Variants in COPS7B observed in about 807,000 individuals in gnomAD.
The protein encoded by COPS7B is COP9 signalosome complex subunit 7b.
A neutral mutation model predicts 33.4 loss-of-function variants in COPS7B; 9 were observed. The ratio of observed to expected loss-of-function variants is 0.27; its 90% confidence interval spans 0.16 to 0.47. COPS7B has a LOEUF of 0.47. Ranked by LOEUF, COPS7B falls within the 20% of genes least tolerant of loss-of-function variation. The pLI is 0.99. For synonymous variants in COPS7B, 119 were observed against 126.3 expected, an observed-to-expected ratio of 0.94 and a Z score of 0.39; for missense variants, 242 against 318.2, an observed-to-expected ratio of 0.76 and a Z score of 1.82.
At chr2:231,801,307 C>T (rs950424998) in intron 6 of COPS7B, 29 of 1,516,114 alleles carry the variant, frequency 1.9e-5, no homozygotes, top group Non-Finnish European at 2.3e-5. Context: ...GGAAATAACC[C>T]ATATTAGTTC....
intron 6 of COPS7B, among the ~76,000 whole-genome samples, chr2:231,803,473 T>C (rs1441488435): frequency 6.6e-6 from 1 of 152,196 alleles, no homozygotes; most frequent in Non-Finnish European, 1.5e-5. Context: ...CCAAGTCTTA[T>C]TTCTTTTTAT....
In COPS7B at chr2:231,807,638, G is replaced by T; in HGVS notation, c.788G>T (p.Arg263Leu). Residue 263 changes from arginine to leucine, a missense_variant, in exon 7 of 7, where the codon CGC becomes CTC. By Grantham distance (102) the Arg-to-Leu change is moderately radical. Transcript: ENST00000350033. ...AAAGTGAAAGGTCTGGTCTCCAGCCGCCACTAGGGCCGGCTGGGGCAGCTG... is the reference window on the plus strand; with the variant it reads ...AAAGTGAAAGGTCTGGTCTCCAGCCTCCACTAGGGCCGGCTGGGGCAGCTG... ...MSKVKGLVSS[R>L]H The T allele has an allele frequency of 6.4e-7, 1 of 1,550,896 alleles. No individual in the cohort carries two copies. The highest frequency in any genetic ancestry group is 8.7e-7 in the Non-Finnish European group (1 of 1,147,334).
In COPS7B at chr2:231,807,579, C is replaced by A. The variant is rs769269789; in HGVS notation, c.729C>A (p.His243Gln). 2.5e-6 allele frequency: 4 copies of A among 1,606,012 alleles called. No individual in the cohort carries two copies. The South Asian group carries it at 4.5e-5, about 18-fold the overall frequency. Residue 243 changes from histidine (H) to glutamine (Q), a missense_variant, in exon 7 of 7, where the codon CAC becomes CAA. His to Gln is a conservative substitution (Grantham distance 24). Coordinates refer to ENST00000350033, the MANE Select transcript of COPS7B (RefSeq NM_022730.4). Reference sequence around the variant, plus strand: ...TGGCTGAACGGGAGTGTCCCCCTCACGCTGAGCAGAGGCAGCCCACCAAGA... The same window carrying A: ...TGGCTGAACGGGAGTGTCCCCCTCAAGCTGAGCAGAGGCAGCCCACCAAGA... Reference protein sequence around the residue: ...QQLAERECPPHAEQRQPTKKM... With the variant: ...QQLAERECPPQAEQRQPTKKM...
At chr2:231,791,635 C>T (rs769120547) in intron 2 of COPS7B, 98 bp from the exon 3 acceptor site, 6 of 976,008 alleles carry the variant, frequency 6.1e-6, no homozygotes, top group Non-Finnish European at 9.8e-6. Flanking sequence ...AATAAACAGC[C>T]ATGGCATCTT....
rs1208791254 is a variant in COPS7B, at chr2:231,808,390, C to G, written c.*745C>G. 2.1e-6 allele frequency: 1 copy of G among 469,516 alleles called. No homozygotes were observed. The highest frequency in any genetic ancestry group is 2.0e-5 in the African/African-American group (1 of 49,988). 29.1% of individuals were successfully genotyped at this position (469,516 alleles called of 1,614,324 possible). A position where few individuals can be genotyped will look rare whatever the true frequency, so the allele number is the denominator to read the frequency against. On this transcript the variant is annotated 3_prime_UTR_variant, in exon 7 of 7. Transcript: ENST00000350033. ...CTCCTGGCCACTCTTCCTGCTGCCT[C>G]TGACTACTCAGCCTTGTTTTCGGTG... is the stretch of plus-strand genomic sequence containing the variant.
At chr2:231,802,107 C>T (rs1364709758) in intron 6 of COPS7B, among the ~76,000 whole-genome samples, 2 of 152,122 alleles carry the variant, frequency 1.3e-5, no homozygotes, top group African/African-American at 4.8e-5. Flanking sequence ...GTGCCTATGT[C>T]TGATGTTAGG....
At chr2:231,805,431 ATTTT>A (rs1031515713) in intron 6 of COPS7B, among the ~76,000 whole-genome samples, 1 of 118,826 alleles carries the variant, frequency 8.4e-6, no homozygotes, top group Non-Finnish European at 1.8e-5. Context: ...ATATATATAT[ATTTT>A]TTTTTAAATT....
intron 6 of COPS7B, among the ~76,000 whole-genome samples, chr2:231,805,390 A>G (rs2049860845): frequency 6.7e-6 from 1 of 149,430 alleles, no homozygotes; most frequent in Non-Finnish European, 1.5e-5. Flanking sequence ...ATAAACCCAG[A>G]GTTGAATTCC....
intron 3 of COPS7B, 120 bp downstream of exon 3, chr2:231,791,928 C>T: frequency 1.1e-6 from 1 of 878,312 alleles, no homozygotes. Context: ...CTGGCTGCCT[C>T]CCATTTTGCT....
At position 231,791,781 on chromosome 2, in the gene COPS7B, G is replaced by A. The variant is rs1474888112; in HGVS notation, c.211G>A (p.Ala71Thr). The A allele has an allele frequency of 6.2e-7, 1 of 1,614,068 alleles. No individual in the cohort carries two copies. Among genetic ancestry groups the A allele is most frequent in the African/African-American group, 1.3e-5 (1 of 75,018 alleles). ...TTATTTGCAGTTGTTGAACCTGTTTGCCTATGGGACATACCCAGATTACAT... is the reference window on the plus strand; with the variant it reads ...TTATTTGCAGTTGTTGAACCTGTTTACCTATGGGACATACCCAGATTACAT... ...AAYLQLLNLF[A>T]YGTYPDYIAN... The change falls in exon 3 of 7, where the codon GCC (alanine) becomes ACC (threonine). Residue 71 changes from alanine to threonine, a missense_variant. Coordinates refer to ENST00000350033, the MANE Select transcript of COPS7B (RefSeq NM_022730.4).
At chr2:231,790,103 A>G (rs1165349871) in intron 2 of COPS7B, 1 of 152,240 alleles carries the variant, frequency 6.6e-6, no homozygotes, top group Non-Finnish European at 1.5e-5. Context: ...GTGGAAAATG[A>G]GTTTTATGAA....
chr2:231,807,649 C>A lies in COPS7B; in HGVS notation c.*4C>A. 2 of 1,549,110 alleles carry A rather than the reference C, an allele frequency of 1.3e-6. No homozygotes were observed. Among genetic ancestry groups the A allele is most frequent in the South Asian group, 1.2e-5 (1 of 83,946 alleles). ...TCTGGTCTCCAGCCGCCACTAGGGC[C>A]GGCTGGGGCAGCTGGCACTCACCAG... is the stretch of plus-strand genomic sequence containing the variant. On this transcript the variant is annotated 3_prime_UTR_variant, in exon 7 of 7. Coordinates refer to ENST00000350033, the MANE Select transcript of COPS7B (RefSeq NM_022730.4).
intron 3 of COPS7B, chr2:231,792,012 G>A (rs1451665511): frequency 2.9e-6 from 2 of 686,770 alleles, no homozygotes; most frequent in African/African-American, 1.8e-5. Flanking sequence ...AATGGGGCCT[G>A]TGTGTGCTCA....
In COPS7B at chr2:231,788,432, G is replaced by A. The variant is rs973920209; in HGVS notation, c.-16-123G>A. ...ATTACAGGCATGAGCCACTGCACTT[G>A]TCCTGTTTTTTCTTTATCAACACTA... On this transcript the variant is annotated intron_variant, in intron 1 of 6. Transcript: ENST00000350033. 4 of 903,998 alleles carry A rather than the reference G, an allele frequency of 4.4e-6. No individual in the cohort carries two copies. In the African/African-American group the frequency reaches 6.7e-5, roughly 15 times the overall value. The allele number at this position is 903,998 out of a possible 1,614,324, so 56.0% of individuals were successfully genotyped here. A position where few individuals can be genotyped will look rare whatever the true frequency, so the allele number is the denominator to read the frequency against.
chr2:231,785,688 T>C (rs565626013), upstream of COPS7B, among the ~76,000 whole-genome samples: 5 of 152,192 alleles, frequency 3.3e-5, no homozygotes, highest in Non-Finnish European at 7.3e-5. Context: ...GATAGGCAAA[T>C]AGGGCTGTTT....
chr2:231,790,896 G>A (rs2049396494), intron 2 of COPS7B: 1 of 152,618 alleles, frequency 6.6e-6, no homozygotes, highest in Non-Finnish European at 1.5e-5. Flanking sequence ...CCGCCACCGC[G>A]CCCGGCTAAT....
chr2:231,786,413 G>C, upstream of COPS7B: 1 of 984,582 alleles, frequency 1.0e-6, no homozygotes, highest in Non-Finnish European at 1.2e-6. Context: ...GGAGCTGCAC[G>C]GGCGACGGGT....
intron 6 of COPS7B, among the ~76,000 whole-genome samples, chr2:231,806,428 C>T (rs895323582): frequency 6.6e-6 from 1 of 151,928 alleles, no homozygotes; most frequent in Non-Finnish European, 1.5e-5. Context: ...TGGCAAGCGC[C>T]TGTGGTCCAA....
At chr2:231,786,666 G>A in intron 1 of COPS7B, 128 bp downstream of exon 1, 1 of 281,836 alleles carries the variant, frequency 3.5e-6, no homozygotes, top group Non-Finnish European at 5.4e-6. Flanking sequence ...TGGGGAGCGC[G>A]TCCCGCGGCT....
Sources: gnomAD v4.1 joint callset for allele counts (sites outside exome capture counted in the v4.1 genomes callset) on GRCh38, gnomAD v4.1.1 for gene constraint, MANE v1.5 for transcripts, NCBI Gene and HGNC (gene_info 2026-07-23, HGNC 2026-07-21) for gene names.